Variants in DES observed in about 807,000 individuals in gnomAD.
DES encodes the protein desmin, also known as cardiomyopathy, dilated 1F (autosomal dominant).
Under a neutral mutation model 55.1 loss-of-function variants are expected in DES, and 34 were observed. That is an observed-to-expected ratio of 0.62 (90% CI 0.47 to 0.82). The LOEUF is 0.82. DES is among the 40% of genes least tolerant of loss of function. The pLI, the probability that DES is intolerant of heterozygous loss-of-function variation, is 0.00. For missense variants in DES, 596 were observed against 645.9 expected (o/e 0.92, Z 0.84); for synonymous variants, 259 against 270.8 (o/e 0.96, Z 0.43).
At position 219,421,395 on chromosome 2, in the gene DES, C is replaced by T. The variant is rs141592925; in HGVS notation, c.1079C>T (p.Ala360Val). Residue 360 changes from alanine to valine, a missense_variant, in exon 6 of 9, where the codon GCC becomes GTC. Ala to Val is a moderately conservative substitution (Grantham distance 64, BLOSUM62 0). Transcript: ENST00000373960. Reference protein sequence around the residue: ...RELEDRFASEASGYQDNIARL... With the variant: ...RELEDRFASEVSGYQDNIARL... Reference sequence around the variant, plus strand: ...TTGGAGGACCGATTTGCCAGTGAGGCCAGTGGCTACCAGGACAACATTGCG... The same window carrying T: ...TTGGAGGACCGATTTGCCAGTGAGGTCAGTGGCTACCAGGACAACATTGCG... The T allele has an allele frequency of 3.7e-6, 6 of 1,613,970 alleles. No homozygotes were observed. Among genetic ancestry groups the T allele is most frequent in the Non-Finnish European group, 4.2e-6 (5 of 1,180,032 alleles).
At chr2:219,423,316 C>T (rs1954476732) in intron 6 of DES, among the ~76,000 whole-genome samples, 1 of 152,172 alleles carries the variant, frequency 6.6e-6, no homozygotes, top group African/African-American at 2.4e-5. Flanking sequence ...GCCTTCGACC[C>T]CATTCCTTGA....
At chr2:219,421,842 T>C (rs1954451064) in intron 6 of DES, among the ~76,000 whole-genome samples, 1 of 152,042 alleles carries the variant, frequency 6.6e-6, no homozygotes, top group Non-Finnish European at 1.5e-5. Context: ...AATTTTTGTA[T>C]TTTTAGTAGA....
rs1457588696 is a variant in DES at position 219,422,609 on chromosome 2, C to T, written c.1244+1049C>T. Among the ~76,000 whole-genome samples the T allele has an allele frequency of 2.6e-5, 4 of 152,062 alleles. No homozygotes were observed. In the East Asian group the frequency reaches 7.8e-4, roughly 29 times the overall value. Reference sequence around the variant, plus strand: ...CCTCCCTAGTAGCTGGGATTACAGGCGTGTGCCAACACACTCAGCTGATTT... The same window carrying T: ...CCTCCCTAGTAGCTGGGATTACAGGTGTGTGCCAACACACTCAGCTGATTT... On this transcript the variant is annotated intron_variant, in intron 6 of 8. Transcript: ENST00000373960.
At position 219,420,537 on chromosome 2, in the gene DES, C is replaced by T; in HGVS notation, c.778C>T (p.Gln260Ter). Residue 260 changes from glutamine to a stop codon, truncating the protein, a stop_gained, in exon 4 of 9, where the codon CAG becomes TAG. Coordinates refer to ENST00000373960, the MANE Select transcript of DES (RefSeq NM_001927.4). LOFTEE classifies it high-confidence loss of function. This position sits in a 1 kb window ranked among gnomAD's most constrained non-coding sequence, Gnocchi z 6.0. Reference sequence around the variant, plus strand: ...GGCTCAGCTTCAGGAACAGCAGGTCCAGGTGGAGATGGACATGTCTAAGCC... The same window carrying T: ...GGCTCAGCTTCAGGAACAGCAGGTCTAGGTGGAGATGGACATGTCTAAGCC... ...LQAQLQEQQV[Q>*]VEMDMSKPDL... is the part of the protein sequence containing the mutation. The T allele has an allele frequency of 6.2e-7, 1 of 1,613,964 alleles. No individual in the cohort carries two copies. The highest frequency in any genetic ancestry group is 8.5e-7 in the Non-Finnish European group (1 of 1,180,014).
In DES at chr2:219,418,666, G is replaced by T; in HGVS notation, c.204G>T (p.Ser68=). 3 of 1,583,966 alleles carry T rather than the reference G, an allele frequency of 1.9e-6. No individual in the cohort carries two copies. The highest frequency in any genetic ancestry group is 2.6e-6 in the Non-Finnish European group (3 of 1,165,592). Residue 68 remains serine (S), a synonymous_variant, in exon 1 of 9, where the codon TCG becomes TCT. Coordinates refer to ENST00000373960, the MANE Select transcript of DES (RefSeq NM_001927.4). Reference sequence around the variant, plus strand: ...CGGGCGGGGCCGGGGGCCTGGGGTCGCTGCGGGCCAGCCGGCTGGGGACCA... The same window carrying T: ...CGGGCGGGGCCGGGGGCCTGGGGTCTCTGCGGGCCAGCCGGCTGGGGACCA... ...RTSGGAGGLG[S]LRASRLGTTR...
Position 219,423,783 on chromosome 2 carries a change from T to C in DES, c.1251T>C (p.Asn417=), listed in dbSNP as rs2125170514. ...KLLEGEESRI[N]LPIQTYSALN... ...TTTGTCTCTTCCCTTTTAGGATCAA[T>C]CTCCCCATCCAGACCTACTCTGCCC... Residue 417 remains asparagine (N), a synonymous_variant, in exon 7 of 9, where the codon AAT becomes AAC. Coordinates refer to ENST00000373960, the MANE Select transcript of DES (RefSeq NM_001927.4). 6.2e-7 allele frequency: 1 copy of C among 1,613,830 alleles called. No homozygotes were observed. Among genetic ancestry groups the C allele is most frequent in the Non-Finnish European group, 8.5e-7 (1 of 1,179,848 alleles).
At chr2:219,425,816 C>A (rs750448089) in intron 8 of DES, 71 bp downstream of exon 8, 43 of 1,602,846 alleles carry the variant, frequency 2.7e-5, no homozygotes, top group Non-Finnish European at 3.7e-5. Flanking sequence ...TGTCTTCCAC[C>A]CAGCTGTGCT....
intron 7 of DES, 38 bp downstream of exon 7, chr2:219,423,858 G>C (rs1200834193): frequency 6.2e-7 from 1 of 1,611,240 alleles, no homozygotes. Context: ...GGAGTTGCAG[G>C]GGCCAGGAGT....
chr2:219,418,709 T>A lies in DES; in HGVS notation c.247T>A (p.Tyr83Asn). The A allele has an allele frequency of 2.6e-6, 4 of 1,566,102 alleles. No homozygotes were observed. Among genetic ancestry groups the A allele is most frequent in the Non-Finnish European group, 3.5e-6 (4 of 1,155,262 alleles). The change falls in exon 1 of 9, where the codon TAC becomes AAC. Residue 83 changes from tyrosine (Y) to asparagine (N), a missense_variant. By Grantham distance (143) the Tyr-to-Asn change is moderately radical (BLOSUM62 -2). Coordinates refer to ENST00000373960, the MANE Select transcript of DES (RefSeq NM_001927.4). ...GGGGACCACCCGCACGCCCTCCTCC[T>A]ACGGCGCAGGCGAGCTGCTGGACTT... ...RLGTTRTPSSYGAGELLDFSL... is the reference protein window; with the variant it reads ...RLGTTRTPSSNGAGELLDFSL...
Position 219,419,980 on chromosome 2 carries a change from C to T in DES, c.579-115C>T. 1 of 1,099,732 alleles carries T rather than the reference C, an allele frequency of 9.1e-7. No homozygotes were observed. Among genetic ancestry groups the T allele is most frequent in the Non-Finnish European group, 1.4e-6 (1 of 722,530 alleles). 68.1% of individuals were successfully genotyped at this position (1,099,732 alleles called of 1,614,324 possible). Reference sequence around the variant, plus strand: ...CCCTGTCTCTCCTGCCTCTACCCAGCAGCCAGGCCCTCCCGCTCTGTCCTG... The same window carrying T: ...CCCTGTCTCTCCTGCCTCTACCCAGTAGCCAGGCCCTCCCGCTCTGTCCTG... On this transcript the variant is annotated intron_variant, in intron 1 of 8. Coordinates refer to ENST00000373960, the MANE Select transcript of DES (RefSeq NM_001927.4). This position sits in a 1 kb window ranked among gnomAD's most constrained non-coding sequence, Gnocchi z 4.3.
At chr2:219,423,672 C>T in intron 6 of DES, 105 bp from the exon 7 acceptor site, 1 of 1,092,754 alleles carries the variant, frequency 9.2e-7, no homozygotes, top group Non-Finnish European at 1.4e-6. Context: ...ATCTCCTGAC[C>T]TGGTGATCCG....
chr2:219,420,934 T>C lies in DES; in HGVS notation c.1004T>C (p.Ile335Thr), dbSNP rs1954429245. Reference sequence around the variant, plus strand: ...CAGATCCAGTCCTACACCTGCGAGATTGACGCCCTGAAGGGCACTGTGAGT... The same window carrying C: ...CAGATCCAGTCCTACACCTGCGAGACTGACGCCCTGAAGGGCACTGTGAGT... ...RHQIQSYTCE[I>T]DALKGTNDSL... Residue 335 changes from isoleucine to threonine, a missense_variant, in exon 5 of 9, where the codon ATT becomes ACT. Ile to Thr is a moderately conservative substitution (Grantham distance 89, BLOSUM62 -1). Coordinates refer to ENST00000373960, the MANE Select transcript of DES (RefSeq NM_001927.4). This position sits in a 1 kb window ranked among gnomAD's most constrained non-coding sequence, Gnocchi z 6.0. The C allele has an allele frequency of 1.2e-6, 2 of 1,613,506 alleles. No individual in the cohort carries two copies. Among genetic ancestry groups the C allele is most frequent in the Non-Finnish European group, 1.7e-6 (2 of 1,179,660 alleles).
In DES at chr2:219,420,377, T is replaced by A; in HGVS notation, c.735+31T>A. On this transcript the variant is annotated intron_variant, in intron 3 of 8. Transcript: ENST00000373960. The surrounding 1 kb of genome is among the most constrained non-coding windows in gnomAD (Gnocchi z 6.0). ...CCTTGGCCCCTCTTCCTGGGGTCAC[T>A]GGGCCATGGGGAAAGCAGCCGGAAA... 6.2e-7 allele frequency: 1 copy of A among 1,612,482 alleles called. No homozygotes were observed.
At position 219,425,984 on chromosome 2, in the gene DES, G is replaced by T; in HGVS notation, c.1407G>T (p.Val469=). The change falls in exon 9 of 9, where the codon GTG becomes GTT. Residue 469 remains valine (V), a synonymous_variant. Coordinates refer to ENST00000373960, the MANE Select transcript of DES (RefSeq NM_001927.4). The part of the protein sequence containing the change: ...VSEATQQQHE[V]L ...AGGCCACACAGCAGCAGCATGAAGT[G>T]CTCTAAAGACAGAGACCCTCTGCCA... is the stretch of plus-strand genomic sequence containing the variant. 1 of 1,613,940 alleles carries T rather than the reference G, an allele frequency of 6.2e-7. No homozygotes were observed. Among genetic ancestry groups the T allele is most frequent in the Non-Finnish European group, 8.5e-7 (1 of 1,179,980 alleles).
In DES at chr2:219,418,867, G is replaced by C; in HGVS notation, c.405G>C (p.Ala135=). The part of the protein sequence containing the change: ...KVRFLEQQNA[A]LAAEVNRLKG... ...GCTTCCTGGAGCAGCAGAACGCGGC[G>C]CTCGCCGCCGAAGTGAACCGGCTCA... The change falls in exon 1 of 9, where the codon GCG becomes GCC. Residue 135 remains alanine, a synonymous_variant. Transcript: ENST00000373960. The C allele has an allele frequency of 3.8e-6, 6 of 1,574,744 alleles. No individual in the cohort carries two copies. The highest frequency in any genetic ancestry group is 5.2e-6 in the Non-Finnish European group (6 of 1,160,656).
chr2:219,425,905 C>A, intron 8 of DES, 44 bp from the exon 9 acceptor site: 2 of 1,613,440 alleles, frequency 1.2e-6, no homozygotes, highest in Non-Finnish European at 1.7e-6. Flanking sequence ...AGGCTCCATT[C>A]TCTGGCTAGC....
At chr2:219,425,578 A>G (rs1954520000) in intron 7 of DES, 85 bp from the exon 8 acceptor site, 2 of 1,213,844 alleles carry the variant, frequency 1.6e-6, no homozygotes, top group Non-Finnish European at 1.2e-6. Context: ...GGCTCTGCCC[A>G]ATGTGGCCCC....
chr2:219,421,199 T>C, intron 5 of DES, 141 bp from the exon 6 acceptor site: 4 of 999,238 alleles, frequency 4.0e-6, no homozygotes, highest in Non-Finnish European at 6.1e-6. Flanking sequence ...ATTCTGAGTG[T>C]TCACATATAG....
At position 219,426,342 on chromosome 2, in the gene DES, A is replaced by G. The variant is rs1040087255; in HGVS notation, c.*352A>G. On this transcript the variant is annotated 3_prime_UTR_variant, in exon 9 of 9. Transcript: ENST00000373960. This position sits in a 1 kb window ranked among gnomAD's most constrained non-coding sequence, Gnocchi z 4.5. ...CCTTTGGCTCTGGAGACAGCCCCAG[A>G]GCAGGGTGTTGGGATACTGCAGGGC... The G allele has an allele frequency of 8.7e-6, 4 of 457,576 alleles. No individual in the cohort carries two copies. The Middle Eastern group carries it at 1.9e-3, about 214-fold the overall frequency. 28.3% of individuals were successfully genotyped at this position (457,576 alleles called of 1,614,324 possible). A position where few individuals can be genotyped will look rare whatever the true frequency, so the allele number is the denominator to read the frequency against.
Sources: allele counts gnomAD v4.1 joint callset (sites outside exome capture counted in the v4.1 genomes callset), GRCh38; gene constraint gnomAD v4.1.1; non-coding constraint Gnocchi (gnomAD v3.1); transcripts MANE v1.5; gene names NCBI Gene and HGNC (gene_info 2026-07-23, HGNC 2026-07-21).